Variants in ARHGEF12 observed in about 807,000 individuals in gnomAD.
The protein encoded by ARHGEF12 is Rho guanine nucleotide exchange factor 12, also known as KMT2A/ARHGEF12 fusion protein.
In ARHGEF12, 66 loss-of-function variants were observed where a neutral mutation model predicts 211.2. The observed-to-expected ratio is 0.31, with a 90% confidence interval of 0.26 to 0.38. ARHGEF12 has a LOEUF of 0.38. Among genes scored for constraint, ARHGEF12 ranks in the 10% least tolerant of loss-of-function variants. ARHGEF12 has a pLI of 1.00. For missense variants in ARHGEF12, 1,429 were observed against 1,869.5 expected (o/e 0.76, Z 4.34); for synonymous variants, 592 against 638.4 (o/e 0.93, Z 1.09).
chr11:120,405,902 A>G (rs890171283), intron 1 of ARHGEF12: 14 of 434,804 alleles, frequency 3.2e-5, no homozygotes, highest in Admixed American at 8.9e-5. Context: ...AGGACAGCTG[A>G]TGGTAAATGC....
rs761130517 is a variant in ARHGEF12 at position 120,429,721 on chromosome 11, GA to G, written c.675del (p.Asp226IlefsTer11). 1 of 1,610,914 alleles carries G rather than the reference GA, an allele frequency of 6.2e-7. No individual in the cohort carries two copies. The highest frequency in any genetic ancestry group is 1.7e-5 in the Admixed American group (1 of 59,420). On this transcript the variant is annotated frameshift_variant, in exon 10 of 41. Coordinates refer to ENST00000397843, the MANE Select transcript of ARHGEF12 (RefSeq NM_015313.3). LOFTEE classifies it high-confidence loss of function. The stretch of plus-strand genomic sequence containing the variant: ...TTTTATAACTTTTCAGTTATTGCAG[GA>G]AGATTACAACCGAACACCTGCCCAA... ...KEQERLQLLQ[E>X]DYNRTPAQRL...
chr11:120,420,959 A>C, intron 5 of ARHGEF12, 108 bp downstream of exon 5: 1 of 939,592 alleles, frequency 1.1e-6, no homozygotes, highest in Non-Finnish European at 1.6e-6. Context: ...ATTGCAGGTC[A>C]TGTGGACTAT....
chr11:120,421,415 G>GAC (rs1228594470), intron 5 of ARHGEF12, among the ~76,000 whole-genome samples: 1 of 146,828 alleles, frequency 6.8e-6, no homozygotes, highest in Non-Finnish European at 1.5e-5. Flanking sequence ...TGTAAAGTCT[G>GAC]ACTTTACAGC....
chr11:120,378,656 T>C (rs1943795679), intron 1 of ARHGEF12, among the ~76,000 whole-genome samples: 1 of 152,234 alleles, frequency 6.6e-6, no homozygotes, highest in African/African-American at 2.4e-5. Context: ...AACATTTGTA[T>C]ATGGTGTGAG....
intron 21 of ARHGEF12, chr11:120,451,288 C>T (rs1946205703): frequency 4.8e-6 from 2 of 416,070 alleles, no homozygotes; most frequent in South Asian, 2.7e-5. Flanking sequence ...GAGCGATTCT[C>T]CTGCCTCAGC....
At chr11:120,416,901 C>CGA in intron 4 of ARHGEF12, among the ~76,000 whole-genome samples, 1 of 152,176 alleles carries the variant, frequency 6.6e-6, no homozygotes, top group Admixed American at 6.5e-5. Context: ...CCGCCCATCT[C>CGA]AGCCTTCCAA....
chr11:120,460,536 A>T, intron 26 of ARHGEF12, 136 bp from the exon 27 acceptor site: 2 of 602,090 alleles, frequency 3.3e-6, no homozygotes, highest in Non-Finnish European at 5.7e-6. Flanking sequence ...CCAGATTTAT[A>T]TTTAAGGAGA....
intron 28 of ARHGEF12, among the ~76,000 whole-genome samples, chr11:120,466,775 A>C (rs753819882): frequency 6.6e-6 from 1 of 152,232 alleles, no homozygotes; most frequent in African/African-American, 2.4e-5. Flanking sequence ...ACTGGTATAG[A>C]TGAGCTGGCA....
rs757132678 is a variant in ARHGEF12, at chr11:120,467,316, A to T, written c.2854+8A>T. On this transcript the variant is annotated splice_region_variant and intron_variant, in intron 29 of 40. Coordinates refer to ENST00000397843, the MANE Select transcript of ARHGEF12 (RefSeq NM_015313.3). ...ATATTGCCAAATACACAGGTACAGC[A>T]TTTTCACTGAAATAAAAAGCTTAAG... is the stretch of plus-strand genomic sequence containing the variant. 4.7e-5 allele frequency: 72 copies of T among 1,534,972 alleles called. No individual in the cohort carries two copies. The highest frequency in any genetic ancestry group is 6.4e-5 in the Non-Finnish European group (71 of 1,112,524).
intron 1 of ARHGEF12, among the ~76,000 whole-genome samples, chr11:120,381,752 G>A (rs1460462562): frequency 6.6e-6 from 1 of 152,150 alleles, no homozygotes; most frequent in Non-Finnish European, 1.5e-5. Flanking sequence ...CCACCCTAAT[G>A]TACAGCGCAG....
intron 1 of ARHGEF12, among the ~76,000 whole-genome samples, chr11:120,347,179 C>CTTTCTTT (rs1555090022): frequency 0.02 from 1,890 of 95,282 alleles, 54 homozygotes; most frequent in East Asian, 0.11. Context: ...TTCCTTCCTT[C>CTTTCTTT]CTTCCTTTCT....
chr11:120,379,103 TTAGTAG>T (rs1343039400), intron 1 of ARHGEF12, among the ~76,000 whole-genome samples: 2 of 152,184 alleles, frequency 1.3e-5, no homozygotes, highest in Non-Finnish European at 2.9e-5. Flanking sequence ...CTCCATTAAT[TTAGTAG>T]TCTTCTTTAA....
chr11:120,367,439 C>T (rs868468219), intron 1 of ARHGEF12, among the ~76,000 whole-genome samples: 8 of 127,444 alleles, frequency 6.3e-5, no homozygotes, highest in African/African-American at 2.4e-4. Flanking sequence ...GATCTTGGCT[C>T]ACTGCAACCT....
At chr11:120,384,201 C>G (rs1258729809) in intron 1 of ARHGEF12, among the ~76,000 whole-genome samples, 1 of 152,168 alleles carries the variant, frequency 6.6e-6, no homozygotes. Flanking sequence ...AGGCGACTGC[C>G]TTTGCCAAGG....
chr11:120,340,555 C>G (rs1942501562), intron 1 of ARHGEF12, among the ~76,000 whole-genome samples: 1 of 151,720 alleles, frequency 6.6e-6, no homozygotes, highest in Admixed American at 6.6e-5. Flanking sequence ...ATTAATGATA[C>G]TTTTCATTAG....
chr11:120,447,215 T>A, intron 18 of ARHGEF12, 130 bp downstream of exon 18: 1 of 1,042,240 alleles, frequency 9.6e-7, no homozygotes, highest in Non-Finnish European at 1.3e-6. Flanking sequence ...GTCATAGTAC[T>A]TGAGAAACTG....
rs1418942615 is a variant in ARHGEF12 at position 120,487,566 on chromosome 11, T to A, written c.*2489T>A. 2.8e-5 allele frequency: 6 copies of A among 213,394 alleles called. No individual in the cohort carries two copies. Among genetic ancestry groups the A allele is most frequent in the Admixed American group, 1.8e-4 (3 of 17,038 alleles). The allele number at this position is 213,394 out of a possible 1,614,324, so 13.2% of individuals were successfully genotyped here. ...CAGGATGATGGAATTAGATGCAGTC[T>A]GTCTTTGAGTGAGACTGGTCACCAT... On this transcript the variant is annotated 3_prime_UTR_variant, in exon 41 of 41. Transcript: ENST00000397843.
chr11:120,408,209 A>G (rs542351350), intron 3 of ARHGEF12: 19 of 158,928 alleles, frequency 1.2e-4, no homozygotes, highest in East Asian at 3.6e-4. Context: ...TAAAAATTCA[A>G]TTGTGATTAT....
intron 1 of ARHGEF12, among the ~76,000 whole-genome samples, chr11:120,374,312 C>T (rs1943667635): frequency 6.6e-6 from 1 of 152,124 alleles, no homozygotes; most frequent in Non-Finnish European, 1.5e-5. Flanking sequence ...AGATATCTCA[C>T]AGTTCAGCAG....
Sources: gnomAD v4.1 joint callset for allele counts (sites outside exome capture counted in the v4.1 genomes callset) on GRCh38, gnomAD v4.1.1 for gene constraint, MANE v1.5 for transcripts, NCBI Gene and HGNC (gene_info 2026-07-23, HGNC 2026-07-21) for gene names.